PIGS: variants seen among roughly 807,000 people sequenced by gnomAD.
The protein encoded by PIGS is phosphatidylinositol glycan anchor biosynthesis class S, also known as GPI-anchor transamidase component PIGS.
A neutral mutation model predicts 58.2 loss-of-function variants in PIGS; 37 were observed. The observed-to-expected ratio is 0.64, with a 90% CI of 0.49 to 0.84. The LOEUF is 0.84. PIGS is among the 40% of genes least tolerant of loss of function. PIGS has a pLI of 0.00. For missense variants in PIGS, 629 were observed against 710.8 expected (o/e 0.88, Z 1.31); for synonymous variants, 269 against 289.2 (o/e 0.93, Z 0.71).
At position 28,561,590 on chromosome 17, in the gene PIGS, C is replaced by T. The variant is rs1471161282; in HGVS notation, c.508G>A (p.Val170Met). ...GCCTCCCGGTGCATTATCCCCCGCACCACTGCTGTCCTCTTGGGCCCAATG... is the reference window on the plus strand; with the variant it reads ...GCCTCCCGGTGCATTATCCCCCGCATCACTGCTGTCCTCTTGGGCCCAATG... ...SYIGPKRTAV[V>M]RGIMHREAFN... The change falls in exon 6 of 12, where the codon GTG (valine) becomes ATG (methionine). Residue 170 changes from valine (V) to methionine (M), a missense_variant. Physicochemically the swap from Val to Met is conservative, Grantham distance 21 (BLOSUM62 1). Transcript: ENST00000308360. 6.2e-7 allele frequency: 1 copy of T among 1,613,452 alleles called. No individual in the cohort carries two copies. Among genetic ancestry groups the T allele is most frequent in the Admixed American group, 1.7e-5 (1 of 59,952 alleles).
At chr17:28,570,719 C>T in intron 3 of PIGS, 133 bp downstream of exon 3, 1 of 813,904 alleles carries the variant, frequency 1.2e-6, no homozygotes. Flanking sequence ...TCTGACCAAA[C>T]ACACTGTTCA....
chr17:28,569,479 A>C (rs1460559801), intron 3 of PIGS, among the ~76,000 whole-genome samples: 1 of 151,566 alleles, frequency 6.6e-6, no homozygotes, highest in East Asian at 1.9e-4. Context: ...TTTCTCAAAA[A>C]AAAAAAAAAA....
rs756533381 is a variant in PIGS at position 28,558,557 on chromosome 17, G to A, written c.853C>T (p.Arg285Cys). Residue 285 changes from arginine (R) to cysteine (C), a missense_variant, in exon 8 of 12, where the codon CGC becomes TGC. Physicochemically the swap from Arg to Cys is radical, Grantham distance 180. Transcript: ENST00000308360. ...LYYAMLGVNP[R>C]FDSASSSYYL... ...TAGCTGGAGGAAGCTGAGTCAAAGC[G>A]GGGATTCACCCCCAACATTGCATAG... 15 of 1,612,746 alleles carry A rather than the reference G, an allele frequency of 9.3e-6. No homozygotes were observed. Among genetic ancestry groups the A allele is most frequent in the South Asian group, 8.8e-5 (8 of 90,558 alleles).
chr17:28,555,119 G>T, intron 10 of PIGS, 58 bp from the exon 11 acceptor site: 1 of 1,443,156 alleles, frequency 6.9e-7, no homozygotes. Flanking sequence ...GGAGATCATG[G>T]CTAAGATTTC....
rs11659064 is a variant in PIGS, at chr17:28,570,267, T to G, written c.286+585A>C. ...GGCTCACGCCTGTAATCCCAACACT[T>G]TGGGAGGCTGAGGCATGCGGATCAC... is the stretch of plus-strand genomic sequence containing the variant. On this transcript the variant is annotated intron_variant, in intron 3 of 11. Transcript: ENST00000308360. Among the ~76,000 whole-genome samples, 244 of 152,308 alleles carry G rather than the reference T, an allele frequency of 1.6e-3. 1 individual carries two copies. The highest frequency in any genetic ancestry group is 0.01 in the Middle Eastern group (3 of 294).
At chr17:28,563,624 C>T (rs1276294301) in intron 4 of PIGS, 102 bp from the exon 5 acceptor site, 1 of 1,274,570 alleles carries the variant, frequency 7.8e-7, no homozygotes, top group Non-Finnish European at 1.1e-6. Context: ...ATTCAGCTGA[C>T]ACAGTGGTCA....
chr17:28,556,273 G>A lies in PIGS; in HGVS notation c.1081-7C>T. 1 of 1,590,650 alleles carries A rather than the reference G, an allele frequency of 6.3e-7. No individual in the cohort carries two copies. The highest frequency in any genetic ancestry group is 1.1e-5 in the South Asian group (1 of 90,590). ...TGGAGTCAACATTATATACCTGAAA[G>A]GGGGAATGAGATTGCCACAACATCA... On this transcript the variant is annotated splice_polypyrimidine_tract_variant and splice_region_variant and intron_variant, in intron 9 of 11. Transcript: ENST00000308360.
chr17:28,561,329 GAAGA>G, intron 6 of PIGS, 89 bp downstream of exon 6: 1 of 1,100,912 alleles, frequency 9.1e-7, no homozygotes, highest in Non-Finnish European at 1.3e-6. Flanking sequence ...TGAGACTAGA[GAAGA>G]AAGGAGAAAG....
At chr17:28,567,575 C>T (rs1275321698) in intron 3 of PIGS, among the ~76,000 whole-genome samples, 1 of 152,156 alleles carries the variant, frequency 6.6e-6, no homozygotes, top group Non-Finnish European at 1.5e-5. Context: ...CTGGAGAGAT[C>T]TAAATACAGA....
chr17:28,571,509 C>T lies in PIGS; in HGVS notation c.-13G>A. On this transcript the variant is annotated 5_prime_UTR_variant, in exon 1 of 12. Coordinates refer to ENST00000308360, the MANE Select transcript of PIGS (RefSeq NM_033198.4). ...CGGCGGCCGCCATGCTAGCTTCCGGCTGCTCCGGCCACCGTGGGGGCAGAG... is the reference window on the plus strand; with the variant it reads ...CGGCGGCCGCCATGCTAGCTTCCGGTTGCTCCGGCCACCGTGGGGGCAGAG... 1.2e-6 allele frequency: 2 copies of T among 1,601,352 alleles called. No homozygotes were observed. The highest frequency in any genetic ancestry group is 8.5e-7 in the Non-Finnish European group (1 of 1,174,224).
At chr17:28,561,652 G>C in intron 5 of PIGS, 23 bp from the exon 6 acceptor site, 1 of 1,595,832 alleles carries the variant, frequency 6.3e-7, no homozygotes, top group Non-Finnish European at 8.6e-7. Flanking sequence ...GCAAGAGACA[G>C]AATGCCCATG....
intron 6 of PIGS, among the ~76,000 whole-genome samples, chr17:28,561,207 G>A (rs369797966): frequency 2.6e-4 from 39 of 151,906 alleles, no homozygotes; most frequent in Non-Finnish European, 4.3e-4. Context: ...GCAGTGAGCC[G>A]AGATAGTGCC....
Position 28,565,833 on chromosome 17 carries a change from C to T in PIGS, c.287-1926G>A, listed in dbSNP as rs184870644. Among the ~76,000 whole-genome samples the T allele has an allele frequency of 1.6e-4, 25 of 152,260 alleles. No homozygotes were observed. The East Asian group carries it at 4.6e-3, about 28-fold the overall frequency. ...CTGCTCGAGGCCAGGAGTTCAAGAC[C>T]AGCCTGGCCACCATGGTGAAACCCC... is the stretch of plus-strand genomic sequence containing the variant. On this transcript the variant is annotated intron_variant, in intron 3 of 11. Coordinates refer to ENST00000308360, the MANE Select transcript of PIGS (RefSeq NM_033198.4).
Position 28,554,498 on chromosome 17 carries a change from AG to A in PIGS, c.1393-4del. The A allele has an allele frequency of 6.2e-7, 1 of 1,613,440 alleles. No individual in the cohort carries two copies. Among genetic ancestry groups the A allele is most frequent in the Non-Finnish European group, 8.5e-7 (1 of 1,179,700 alleles). On this transcript the variant is annotated splice_polypyrimidine_tract_variant and splice_region_variant and intron_variant, in intron 11 of 11. Coordinates refer to ENST00000308360, the MANE Select transcript of PIGS (RefSeq NM_033198.4). ...ACGGCAGCTACAGCCTTGTACACCTAGGAAGGAGAAGGGACAAGAGGGTATA... is the reference window on the plus strand; with the variant it reads ...ACGGCAGCTACAGCCTTGTACACCTAGAAGGAGAAGGGACAAGAGGGTATA...
At chr17:28,557,925 A>G (rs1736353207) in intron 8 of PIGS, among the ~76,000 whole-genome samples, 1 of 152,240 alleles carries the variant, frequency 6.6e-6, no homozygotes. Flanking sequence ...CTAGTCATTC[A>G]TTTGTAAAAA....
At position 28,556,185 on chromosome 17, in the gene PIGS, C is replaced by A. The variant is rs1460440127; in HGVS notation, c.1162G>T (p.Val388Leu). 1 of 1,613,770 alleles carries A rather than the reference C, an allele frequency of 6.2e-7. No homozygotes were observed. The change falls in exon 10 of 12, where the codon GTG (valine) becomes TTG (leucine). Residue 388 changes from valine (V) to leucine (L), a missense_variant. Coordinates refer to ENST00000308360, the MANE Select transcript of PIGS (RefSeq NM_033198.4). ...CCTCACCGCAACTGTGCCAGGAACA[C>A]CTCCATCACTCGCACCATGTCCACC... is the stretch of plus-strand genomic sequence containing the variant. ...VEVDMVRVME[V>L]FLAQLRLLFG...
In PIGS at chr17:28,554,356, A is replaced by T. The variant is rs781563650; in HGVS notation, c.1532T>A (p.Leu511His). ...AFFDPSLLHL[L>H]YFPDDQKFAI... is the part of the protein sequence containing the mutation. ...AAACTTCTGGTCATCAGGGAAATAA[A>T]GGAGGTGGAGGAGTGACGGGTCAAA... The change falls in exon 12 of 12, where the codon CTT becomes CAT. Residue 511 changes from leucine (L) to histidine (H), a missense_variant. Physicochemically the swap from Leu to His is moderately conservative, Grantham distance 99. Transcript: ENST00000308360. The T allele has an allele frequency of 1.9e-6, 3 of 1,614,192 alleles. No homozygotes were observed.
intron 3 of PIGS, among the ~76,000 whole-genome samples, chr17:28,566,845 G>T (rs1416453817): frequency 6.8e-6 from 1 of 147,142 alleles, no homozygotes. Flanking sequence ...CCACCGCCTT[G>T]GCCTCCCAAA....
chr17:28,553,897 C>A lies in PIGS; in HGVS notation c.*323G>T, dbSNP rs57385383. On this transcript the variant is annotated 3_prime_UTR_variant, in exon 12 of 12. Coordinates refer to ENST00000308360, the MANE Select transcript of PIGS (RefSeq NM_033198.4). ...TCCCTCCTCTCAGTGCACAAGTGTGCTATGTTGAGAAATGGGGCAAAAGAA... is the reference window on the plus strand; with the variant it reads ...TCCCTCCTCTCAGTGCACAAGTGTGATATGTTGAGAAATGGGGCAAAAGAA... 1.0e-2 allele frequency: 3,653 copies of A among 365,782 alleles called. 113 individuals are homozygous for A. The highest frequency in any genetic ancestry group is 0.07 in the African/African-American group (3,385 of 48,016). The allele number at this position is 365,782 out of a possible 1,614,324, so 22.7% of individuals were successfully genotyped here. A position where few individuals can be genotyped will look rare whatever the true frequency, so the allele number is the denominator to read the frequency against.
Sources: gnomAD v4.1 joint callset for allele counts (sites outside exome capture counted in the v4.1 genomes callset) on GRCh38, gnomAD v4.1.1 for gene constraint, MANE v1.5 for transcripts, NCBI Gene and HGNC (gene_info 2026-07-23, HGNC 2026-07-21) for gene names.